CNTNAP5: variants seen among roughly 807,000 people sequenced by gnomAD.
CNTNAP5 encodes contactin-associated protein-like 5.
In CNTNAP5, 72 loss-of-function variants were observed where a neutral mutation model predicts 150.2. The ratio of observed to expected loss-of-function variants is 0.48; its 90% CI spans 0.40 to 0.58. The LOEUF is 0.58. Among genes scored for constraint, CNTNAP5 ranks in the 20% least tolerant of loss-of-function variants. The probability of loss-of-function intolerance (pLI) is 0.00; values close to 1 mark genes in which losing one functional copy is unlikely to be tolerated. For missense variants in CNTNAP5, 1,636 were observed against 1,626.2 expected (o/e 1.01, Z -0.10); for synonymous variants, 672 against 619.8 (o/e 1.08, Z -1.25).
At chr2:124,548,255 G>A (rs1200892148) in intron 10 of CNTNAP5, among the ~76,000 whole-genome samples, 1 of 152,150 alleles carries the variant, frequency 6.6e-6, no homozygotes, top group Admixed American at 6.5e-5. Context: ...GATGTCAGGG[G>A]CCAATTAAGT....
At chr2:124,408,686 G>A (rs1036281605) in intron 3 of CNTNAP5, among the ~76,000 whole-genome samples, 1 of 151,714 alleles carries the variant, frequency 6.6e-6, no homozygotes, top group Admixed American at 6.6e-5. Context: ...CTGTCTGTTA[G>A]AAGGAAAACT....
In CNTNAP5 at chr2:124,764,045, G is replaced by A; in HGVS notation, c.2431G>A (p.Glu811Lys). 2 of 1,613,214 alleles carry A rather than the reference G, an allele frequency of 1.2e-6. No homozygotes were observed. The highest frequency in any genetic ancestry group is 2.2e-5 in the South Asian group (2 of 91,062). The stretch of plus-strand genomic sequence containing the variant: ...CCTCCACTTTCCTACCTTCCATGCG[G>A]AATTCAGTGCCGATATTTCCTTCTT... ...SYLHFPTFHA[E>K]FSADISFFFK... Residue 811 changes from glutamate (E) to lysine (K), a missense_variant, in exon 16 of 24, where the codon GAA becomes AAA. Transcript: ENST00000682447.
At chr2:124,641,296 T>C (rs763015122) in intron 12 of CNTNAP5, among the ~76,000 whole-genome samples, 1 of 151,860 alleles carries the variant, frequency 6.6e-6, no homozygotes, top group Non-Finnish European at 1.5e-5. Context: ...AGGTGATAGG[T>C]CTCTTGCATG....
chr2:124,340,818 T>C (rs1335852417), intron 3 of CNTNAP5, among the ~76,000 whole-genome samples: 3 of 148,210 alleles, frequency 2.0e-5, no homozygotes, highest in African/African-American at 7.4e-5. Flanking sequence ...TGTATATATA[T>C]ATATATATAT....
intron 1 of CNTNAP5, among the ~76,000 whole-genome samples, chr2:124,029,509 G>T (rs1680985960): frequency 6.6e-6 from 1 of 151,832 alleles, no homozygotes; most frequent in Non-Finnish European, 1.5e-5. Context: ...TTCTGCAATT[G>T]GGAAATGTAT....
chr2:124,410,939 G>A (rs1435771507), intron 3 of CNTNAP5, among the ~76,000 whole-genome samples: 1 of 151,860 alleles, frequency 6.6e-6, no homozygotes, highest in Non-Finnish European at 1.5e-5. Context: ...ATGAATCCAG[G>A]AGCTGGTTTT....
At chr2:124,387,928 A>T (rs1299093088) in intron 3 of CNTNAP5, among the ~76,000 whole-genome samples, 1 of 152,138 alleles carries the variant, frequency 6.6e-6, no homozygotes, top group Non-Finnish European at 1.5e-5. Flanking sequence ...TTGCTGGGGA[A>T]TGCAATCCTA....
intron 3 of CNTNAP5, among the ~76,000 whole-genome samples, chr2:124,400,780 A>G (rs564677453): frequency 4.7e-5 from 7 of 149,110 alleles, no homozygotes; most frequent in Non-Finnish European, 7.4e-5. Context: ...TGGAGCTGCC[A>G]TACATGTTGG....
chr2:124,362,666 C>G (rs1167139586), intron 3 of CNTNAP5, among the ~76,000 whole-genome samples: 2 of 152,168 alleles, frequency 1.3e-5, no homozygotes, highest in African/African-American at 4.8e-5. Context: ...GGATAACTCT[C>G]CCTGTACCTT....
rs994189485 is a variant in CNTNAP5, at chr2:124,801,758, A to G, written c.3217+3438A>G. ...ATTAGGCCATTGACCTAATTACCAG[A>G]GAATCATGGGGGGTGAGAATTGCAT... On this transcript the variant is annotated intron_variant, in intron 19 of 23. Coordinates refer to ENST00000682447, the MANE Select transcript of CNTNAP5 (RefSeq NM_001367498.1). 1.8e-4 allele frequency among the ~76,000 whole-genome samples: 28 copies of G among 152,180 alleles called. 1 individual carries two copies. Among genetic ancestry groups the G allele is most frequent in the Admixed American group, 1.8e-3 (28 of 15,278 alleles).
chr2:124,256,763 G>C (rs1242117239), intron 3 of CNTNAP5, among the ~76,000 whole-genome samples: 2 of 152,150 alleles, frequency 1.3e-5, no homozygotes, highest in Admixed American at 6.5e-5. Flanking sequence ...AGAGCTATAA[G>C]ATTAAACTCA....
rs1681686295 is a variant in CNTNAP5 at position 124,789,919 on chromosome 2, C to G, written c.2770C>G (p.Gln924Glu). 3.7e-6 allele frequency: 6 copies of G among 1,613,248 alleles called. No homozygotes were observed. The highest frequency in any genetic ancestry group is 5.1e-6 in the Non-Finnish European group (6 of 1,179,470). The change falls in exon 18 of 24, where the codon CAG (glutamine) becomes GAG (glutamate). Residue 924 changes from glutamine to glutamate, a missense_variant. Transcript: ENST00000682447. ...CCTCTTAGGGGGAACGTCATCCAGACAGAAAGGCTTCCTAGGATGCATTCG... is the reference window on the plus strand; with the variant it reads ...CCTCTTAGGGGGAACGTCATCCAGAGAGAAAGGCTTCCTAGGATGCATTCG... ...QLFVGGTSSRQKGFLGCIRSL... is the reference protein window; with the variant it reads ...QLFVGGTSSREKGFLGCIRSL...
intron 10 of CNTNAP5, among the ~76,000 whole-genome samples, chr2:124,553,725 T>G (rs1375739038): frequency 6.6e-6 from 1 of 152,126 alleles, no homozygotes; most frequent in Non-Finnish European, 1.5e-5. Context: ...GCCAATAGAT[T>G]AAATCTAAAA....
rs143505504 is a variant in CNTNAP5, at chr2:124,432,850, C to G, written c.530-1634C>G. ...GGTAGAGTGCCAACCAATAGAGTGG[C>G]CTTGATAGGAACTAAAAGATTCCTG... is the stretch of plus-strand genomic sequence containing the variant. On this transcript the variant is annotated intron_variant, in intron 4 of 23. Coordinates refer to ENST00000682447, the MANE Select transcript of CNTNAP5 (RefSeq NM_001367498.1). 1.8e-3 allele frequency among the ~76,000 whole-genome samples: 270 copies of G among 152,184 alleles called. 2 individuals are homozygous for G. Among genetic ancestry groups the G allele is most frequent in the African/African-American group, 6.2e-3 (259 of 41,524 alleles).
chr2:124,592,368 T>C (rs1354007904), intron 11 of CNTNAP5, among the ~76,000 whole-genome samples: 1 of 118,936 alleles, frequency 8.4e-6, no homozygotes, highest in African/African-American at 3.1e-5. Flanking sequence ...TACGTGTGTA[T>C]ATATATATGT....
chr2:124,784,086 G>A (rs1484490235), intron 17 of CNTNAP5, among the ~76,000 whole-genome samples: 1 of 152,098 alleles, frequency 6.6e-6, no homozygotes, highest in Non-Finnish European at 1.5e-5. Context: ...AATCTAGGTG[G>A]TAAATGCAGC....
At chr2:124,706,914 A>AG (rs1679670736) in intron 13 of CNTNAP5, among the ~76,000 whole-genome samples, 1 of 47,810 alleles carries the variant, frequency 2.1e-5, no homozygotes, top group Non-Finnish European at 4.6e-5. Flanking sequence ...GAGGAGGAGG[A>AG]GGAGAAGAAG....
At chr2:124,063,512 T>C (rs1465026004) in intron 1 of CNTNAP5, among the ~76,000 whole-genome samples, 1 of 152,172 alleles carries the variant, frequency 6.6e-6, no homozygotes, top group African/African-American at 2.4e-5. Context: ...TACTGAGTTA[T>C]AATTTAGAAG....
At chr2:124,118,700 C>A (rs911009592) in intron 1 of CNTNAP5, among the ~76,000 whole-genome samples, 1 of 152,286 alleles carries the variant, frequency 6.6e-6, no homozygotes, top group Non-Finnish European at 1.5e-5. Context: ...CAGAGAGAGA[C>A]ACGTAAGGGA....
Sources: allele counts gnomAD v4.1 joint callset (sites outside exome capture counted in the v4.1 genomes callset), GRCh38; gene constraint gnomAD v4.1.1; transcripts MANE v1.5; gene names NCBI Gene and HGNC (gene_info 2026-07-23, HGNC 2026-07-21).